MYO1F: variants seen among roughly 807,000 people sequenced by gnomAD.
The protein encoded by MYO1F is unconventional myosin-If.
A neutral mutation model predicts 146.6 loss-of-function variants in MYO1F; 60 were observed. That is an observed-to-expected ratio of 0.41 (90% CI 0.33 to 0.51). The LOEUF is 0.51. Among genes scored for constraint, MYO1F ranks in the 20% least tolerant of loss-of-function variants. MYO1F has a pLI of 0.25. For missense variants in MYO1F, 1,274 were observed against 1,534.3 expected (o/e 0.83, Z 2.83); for synonymous variants, 602 against 602.1 (o/e 1.00, Z 0.00).
intron 1 of MYO1F, among the ~76,000 whole-genome samples, chr19:8,559,408 G>A (rs1016100793): frequency 2.0e-5 from 3 of 151,938 alleles, no homozygotes; most frequent in African/African-American, 7.2e-5. Flanking sequence ...GTTGTTGAGG[G>A]ATGCCCATGG....
At chr19:8,531,104 T>C (rs548170923) in intron 19 of MYO1F, among the ~76,000 whole-genome samples, 1 of 151,644 alleles carries the variant, frequency 6.6e-6, no homozygotes, top group East Asian at 2.0e-4. Context: ...TCCCAGCGCC[T>C]TGGGAGGCTG....
At chr19:8,540,179 G>T (rs1972900811) in intron 15 of MYO1F, 151 bp from the exon 16 acceptor site, 3 of 610,272 alleles carry the variant, frequency 4.9e-6, no homozygotes, top group African/African-American at 1.9e-5. Flanking sequence ...CAGAGGGTTG[G>T]TTTTTTGGTT....
At chr19:8,561,595 CTCTT>C (rs1241198232) in intron 1 of MYO1F, among the ~76,000 whole-genome samples, 4 of 102,140 alleles carry the variant, frequency 3.9e-5, no homozygotes, top group African/African-American at 1.0e-4. Flanking sequence ...CTCCCTCCCT[CTCTT>C]CTCTTTTTTC....
rs756463006 is a variant in MYO1F, at chr19:8,548,157, T to C, written c.1183-35A>G. 5.0e-6 allele frequency: 8 copies of C among 1,613,244 alleles called. No homozygotes were observed. In the East Asian group the frequency reaches 1.6e-4, roughly 31 times the overall value. ...GAGGAAAAGGGTCCTTCCCTCAATG[T>C]CCTGGTGCTGGAAGTTCTTGTGGCC... On this transcript the variant is annotated intron_variant, in intron 11 of 27. Coordinates refer to ENST00000644032, the MANE Select transcript of MYO1F (RefSeq NM_012335.4).
rs1159851768 is a variant in MYO1F, at chr19:8,521,152, T to C, written c.*376A>G. 2 of 347,522 alleles carry C rather than the reference T, an allele frequency of 5.8e-6. No homozygotes were observed. Among genetic ancestry groups the C allele is most frequent in the East Asian group, 7.0e-5 (1 of 14,334 alleles). The allele number at this position is 347,522 out of a possible 1,614,324, so 21.5% of individuals were successfully genotyped here. A position where few individuals can be genotyped will look rare whatever the true frequency, so the allele number is the denominator to read the frequency against. ...GTTTATTGCCTTAGTGATGACAGAA[T>C]GAGCAAAGTCACGCTTGTTAAGGAC... On this transcript the variant is annotated 3_prime_UTR_variant, in exon 28 of 28. Coordinates refer to ENST00000644032, the MANE Select transcript of MYO1F (RefSeq NM_012335.4).
rs1175712291 is a variant in MYO1F, at chr19:8,521,471, A to G, written c.*57T>C. Reference sequence around the variant, plus strand: ...TCTCATTGGCAGGGCCTGGCTCCCCACCAGGCCGGCAGGCAGATAGGCGGG... The same window carrying G: ...TCTCATTGGCAGGGCCTGGCTCCCCGCCAGGCCGGCAGGCAGATAGGCGGG... On this transcript the variant is annotated 3_prime_UTR_variant, in exon 28 of 28. Transcript: ENST00000644032. The G allele has an allele frequency of 3.9e-6, 6 of 1,558,214 alleles. No individual in the cohort carries two copies. The highest frequency in any genetic ancestry group is 1.4e-5 in the African/African-American group (1 of 73,818).
intron 1 of MYO1F, among the ~76,000 whole-genome samples, chr19:8,572,585 C>T (rs782820958): frequency 3.3e-5 from 5 of 152,036 alleles, no homozygotes; most frequent in Non-Finnish European, 7.4e-5. Flanking sequence ...GTGGTCTTAA[C>T]TGATTCTTTC....
chr19:8,557,433 C>G (rs1973908083), intron 1 of MYO1F, among the ~76,000 whole-genome samples: 1 of 152,144 alleles, frequency 6.6e-6, no homozygotes, highest in Non-Finnish European at 1.5e-5. Context: ...TCCTGGGTAG[C>G]TGGGACTACA....
chr19:8,540,044 G>A lies in MYO1F; in HGVS notation c.1611-16C>T, dbSNP rs1337168780. 2.5e-6 allele frequency: 4 copies of A among 1,603,544 alleles called. No homozygotes were observed. The South Asian group carries it at 3.3e-5, about 13-fold the overall frequency. ...GAGGAAGGCCCTGGGTAGGAAAGGG[G>A]AGAGGAGGAGTTGGAGGTATGGCTA... On this transcript the variant is annotated splice_polypyrimidine_tract_variant and intron_variant, in intron 15 of 27. Coordinates refer to ENST00000644032, the MANE Select transcript of MYO1F (RefSeq NM_012335.4).
intron 1 of MYO1F, among the ~76,000 whole-genome samples, chr19:8,566,521 T>A (rs563011851): frequency 1.7e-4 from 25 of 149,844 alleles, no homozygotes; most frequent in South Asian, 4.2e-4. Flanking sequence ...TTAATTAATT[T>A]ATTTATTTTT....
chr19:8,563,602 G>A (rs1023974659), intron 1 of MYO1F, among the ~76,000 whole-genome samples: 17 of 151,778 alleles, frequency 1.1e-4, no homozygotes, highest in South Asian at 2.1e-4. Context: ...TTCGCCTCCC[G>A]GGTTCAAGCG....
chr19:8,545,055 G>A (rs571254471), intron 13 of MYO1F, among the ~76,000 whole-genome samples: 1 of 152,200 alleles, frequency 6.6e-6, no homozygotes, highest in Admixed American at 6.6e-5. Flanking sequence ...TGGGATTACA[G>A]GCATGAGCCA....
In MYO1F at chr19:8,577,288, C is replaced by T. The variant is rs1555734028; in HGVS notation, c.3+19G>A. 3.1e-6 allele frequency: 5 copies of T among 1,613,472 alleles called. No homozygotes were observed. The highest frequency in any genetic ancestry group is 3.3e-5 in the Admixed American group (2 of 59,906). ...TCCCTCCTCTTTCTTCTTCCAGATC[C>T]CACCCTTGAAGGACTTACCATGGTG... On this transcript the variant is annotated intron_variant, in intron 1 of 27. Transcript: ENST00000644032. The surrounding 1 kb of genome is among the most constrained non-coding windows in gnomAD (Gnocchi z 4.3).
intron 21 of MYO1F, among the ~76,000 whole-genome samples, chr19:8,528,540 C>G (rs1489640612): frequency 6.6e-6 from 1 of 152,020 alleles, no homozygotes; most frequent in Admixed American, 6.6e-5. Context: ...CACACACACA[C>G]AAAAGAGCAA....
At chr19:8,531,013 C>T (rs532369219) in intron 19 of MYO1F, among the ~76,000 whole-genome samples, 1 of 151,800 alleles carries the variant, frequency 6.6e-6, no homozygotes, top group Non-Finnish European at 1.5e-5. Context: ...CATTGCACTC[C>T]AGCCTGGACA....
At chr19:8,544,172 C>T (rs1375462094) in intron 14 of MYO1F, 125 bp downstream of exon 14, 20 of 1,055,892 alleles carry the variant, frequency 1.9e-5, no homozygotes, top group Non-Finnish European at 2.6e-5. Context: ...CAGTGGAATT[C>T]TACAGCCCTG....
chr19:8,567,916 C>T (rs1372623395), intron 1 of MYO1F, among the ~76,000 whole-genome samples: 1 of 152,222 alleles, frequency 6.6e-6, no homozygotes, highest in African/African-American at 2.4e-5. Flanking sequence ...TGAACTAAGA[C>T]CCCAGGCCAC....
At chr19:8,556,471 G>A (rs1002957610) in intron 1 of MYO1F, among the ~76,000 whole-genome samples, 19 of 137,076 alleles carry the variant, frequency 1.4e-4, no homozygotes, top group African/African-American at 2.9e-4. Flanking sequence ...GCGAGGCCCC[G>A]TCTCTATAAA....
chr19:8,555,815 G>T lies in MYO1F; in HGVS notation c.4-19C>A, dbSNP rs1449343319. The T allele has an allele frequency of 2.5e-6, 4 of 1,606,692 alleles. No individual in the cohort carries two copies. Among genetic ancestry groups the T allele is most frequent in the East Asian group, 2.2e-5 (1 of 44,798 alleles). On this transcript the variant is annotated intron_variant, in intron 1 of 27. Transcript: ENST00000644032. The stretch of plus-strand genomic sequence containing the variant: ...TGCTGCCCTGGGGGGTGAGAGGGGG[G>T]TCGGGGTGAGCCCTTGCACGGGGAT...
Sources: allele counts gnomAD v4.1 joint callset (sites outside exome capture counted in the v4.1 genomes callset), GRCh38; gene constraint gnomAD v4.1.1; non-coding constraint Gnocchi (gnomAD v3.1); transcripts MANE v1.5; gene names NCBI Gene and HGNC (gene_info 2026-07-23, HGNC 2026-07-21).